The following NTRK3 variants were observed in gnomAD, a reference collection of about 807,000 sequenced individuals.
The protein encoded by NTRK3 is NT-3 growth factor receptor.
Under a neutral mutation model 91.7 loss-of-function variants are expected in NTRK3, and 24 were observed. The ratio of observed to expected loss-of-function variants is 0.26; its 90% confidence interval spans 0.19 to 0.37. NTRK3 has a LOEUF of 0.37. NTRK3 is among the 10% of genes least tolerant of loss of function. The pLI is 1.00. For missense variants in NTRK3, 880 were observed against 1,068.9 expected, an observed-to-expected ratio of 0.82 and a Z score of 2.46; for synonymous variants, 483 against 404.0, an observed-to-expected ratio of 1.20 and a Z score of -2.34.
chr15:88,130,258 T>G (rs2053675176), intron 10 of NTRK3, among the ~76,000 whole-genome samples: 1 of 152,092 alleles, frequency 6.6e-6, no homozygotes, highest in Admixed American at 6.5e-5. Context: ...ATTCAATAAA[T>G]AAAAGGTGGA....
intron 13 of NTRK3, among the ~76,000 whole-genome samples, chr15:88,095,165 G>C (rs1360456855): frequency 6.6e-6 from 1 of 152,208 alleles, no homozygotes; most frequent in Admixed American, 6.5e-5. Context: ...TCTAGGGGTT[G>C]ACTGCCTTCA....
At chr15:88,058,246 G>T (rs2045903273) in intron 13 of NTRK3, among the ~76,000 whole-genome samples, 1 of 152,178 alleles carries the variant, frequency 6.6e-6, no homozygotes, top group Admixed American at 6.5e-5. Context: ...ACGTCAGACA[G>T]TTCTTGAGTT....
At chr15:88,192,871 C>T (rs1241600966) in intron 3 of NTRK3, among the ~76,000 whole-genome samples, 1 of 152,190 alleles carries the variant, frequency 6.6e-6, no homozygotes, top group African/African-American at 2.4e-5. Context: ...TTAGCAGCCC[C>T]TGCATTTCCC....
intron 14 of NTRK3, among the ~76,000 whole-genome samples, chr15:87,972,903 G>T (rs956599109): frequency 6.6e-6 from 1 of 152,172 alleles, no homozygotes; most frequent in Non-Finnish European, 1.5e-5. Flanking sequence ...CCAAATCTGA[G>T]CCATCAGTAC....
At chr15:87,892,832 G>T (rs753458641) in intron 17 of NTRK3, among the ~76,000 whole-genome samples, 1 of 152,108 alleles carries the variant, frequency 6.6e-6, no homozygotes, top group Non-Finnish European at 1.5e-5. Context: ...TGGGGTAACT[G>T]CAATGAAAAT....
chr15:88,042,260 G>A lies in NTRK3; in HGVS notation c.1397-9215C>T, dbSNP rs189042073. Among the ~76,000 whole-genome samples the A allele has an allele frequency of 8.3e-4, 127 of 152,310 alleles. 1 individual carries two copies. In the Middle Eastern group the frequency reaches 0.02, roughly 24 times the overall value. ...GATTCCATTTACTGTCTCATAAAAA[G>A]AGGCTGGTCCTCAGAGGCAAACAAA... On this transcript the variant is annotated intron_variant, in intron 13 of 18. Transcript: ENST00000394480.
At chr15:88,189,064 T>A (rs2047175637) in intron 3 of NTRK3, among the ~76,000 whole-genome samples, 1 of 152,160 alleles carries the variant, frequency 6.6e-6, no homozygotes, top group African/African-American at 2.4e-5. Flanking sequence ...TAATACATGA[T>A]GACATTGACC....
intron 14 of NTRK3, among the ~76,000 whole-genome samples, chr15:87,975,038 C>T (rs527624293): frequency 5.9e-5 from 9 of 152,294 alleles, no homozygotes; most frequent in African/African-American, 1.9e-4. Context: ...GCTGTGGAAA[C>T]CTGAGCTAGT....
intron 14 of NTRK3, among the ~76,000 whole-genome samples, chr15:87,953,923 C>T (rs980668823): frequency 6.6e-6 from 1 of 152,120 alleles, no homozygotes; most frequent in Non-Finnish European, 1.5e-5. Context: ...CCATCTGCCC[C>T]TCCTCCGTGC....
intron 14 of NTRK3, among the ~76,000 whole-genome samples, chr15:87,947,425 G>A (rs2070673504): frequency 6.6e-6 from 1 of 152,178 alleles, no homozygotes; most frequent in Admixed American, 6.5e-5. Context: ...GTACTTGGTA[G>A]AAACCAATAA....
intron 3 of NTRK3, among the ~76,000 whole-genome samples, chr15:88,202,992 T>C (rs927811368): frequency 6.6e-6 from 1 of 152,192 alleles, no homozygotes; most frequent in African/African-American, 2.4e-5. Context: ...CCTTCCCACT[T>C]TTTGATGCTA....
rs1435975135 is a variant in NTRK3, at chr15:88,093,073, T to C, written c.1396+33198A>G. 6.0e-5 allele frequency among the ~76,000 whole-genome samples: 9 copies of C among 150,896 alleles called. No individual in the cohort carries two copies. The East Asian group carries it at 1.7e-3, about 29-fold the overall frequency. On this transcript the variant is annotated intron_variant, in intron 13 of 18. Coordinates refer to ENST00000394480, the Ensembl canonical transcript of NTRK3. ...GCTTTGGGGTTTTTTTTGTTTTTTT[T>C]GTTTTTTTTTTTTTGTTGGGGAGAC... is the stretch of plus-strand genomic sequence containing the variant.
At chr15:88,229,682 T>C (rs1311422672) in intron 3 of NTRK3, among the ~76,000 whole-genome samples, 1 of 152,212 alleles carries the variant, frequency 6.6e-6, no homozygotes, top group East Asian at 1.9e-4. Context: ...CCCTGGTCAC[T>C]CTCTGCACAC....
chr15:88,231,650 T>C (rs574116503), intron 3 of NTRK3, among the ~76,000 whole-genome samples: 3 of 152,248 alleles, frequency 2.0e-5, no homozygotes, highest in Admixed American at 2.0e-4. Flanking sequence ...GTAAGAGAGG[T>C]GCTGAACCCG....
intron 5 of NTRK3, among the ~76,000 whole-genome samples, chr15:88,149,497 G>A (rs938128787): frequency 6.6e-6 from 1 of 152,214 alleles, no homozygotes; most frequent in African/African-American, 2.4e-5. Flanking sequence ...TGGTATGACA[G>A]CACATGCTCA....
intron 7 of NTRK3, among the ~76,000 whole-genome samples, chr15:88,136,855 G>A (rs915953024): frequency 6.6e-6 from 1 of 152,204 alleles, no homozygotes; most frequent in Non-Finnish European, 1.5e-5. Context: ...GTTGCGGGGT[G>A]GGGGCAGTGC....
intron 17 of NTRK3, among the ~76,000 whole-genome samples, chr15:87,922,772 T>A (rs1208251682): frequency 6.6e-6 from 1 of 152,226 alleles, no homozygotes; most frequent in Non-Finnish European, 1.5e-5. Context: ...GGATTTGGAA[T>A]AGAAGTTGCT....
chr15:88,044,042 GATA>G (rs2079906602), intron 13 of NTRK3, among the ~76,000 whole-genome samples: 1 of 152,070 alleles, frequency 6.6e-6, no homozygotes, highest in African/African-American at 2.4e-5. Context: ...TAGTAAAACA[GATA>G]ATAATAGCTA....
At chr15:87,989,005 C>A (rs1487143727) in intron 14 of NTRK3, among the ~76,000 whole-genome samples, 1 of 152,094 alleles carries the variant, frequency 6.6e-6, no homozygotes, top group Non-Finnish European at 1.5e-5. Flanking sequence ...GCAACTTTCA[C>A]CTCCTGGGTC....
Sources: gnomAD v4.1 joint callset for allele counts (sites outside exome capture counted in the v4.1 genomes callset) on GRCh38, gnomAD v4.1.1 for gene constraint, MANE v1.5 for transcripts, NCBI Gene and HGNC (gene_info 2026-07-23, HGNC 2026-07-21) for gene names.